ADGRE2: variants seen among roughly 807,000 people sequenced by gnomAD.
The protein encoded by ADGRE2 is CD97 antigen.
In ADGRE2, 83 loss-of-function variants were observed where a neutral mutation model predicts 100.8. The ratio of observed to expected loss-of-function variants is 0.82; its 90% confidence interval spans 0.69 to 0.99. The LOEUF is 0.99. ADGRE2 is among the 50% of genes least tolerant of loss of function. ADGRE2 has a pLI of 0.00. For missense variants in ADGRE2, 814 were observed against 1,035.7 expected, an observed-to-expected ratio of 0.79 and a Z score of 2.94; for synonymous variants, 355 against 413.0, an observed-to-expected ratio of 0.86 and a Z score of 1.70.
At position 14,752,515 on chromosome 19, in the gene ADGRE2, G is replaced by A. The variant is rs779779915; in HGVS notation, c.1602C>T (p.Pro534=). 2.5e-6 allele frequency: 4 copies of A among 1,614,068 alleles called. No homozygotes were observed. Among genetic ancestry groups the A allele is most frequent in the East Asian group, 2.2e-5 (1 of 44,876 alleles). The change falls in exon 15 of 21, where the codon CCC becomes CCT. Residue 534 remains proline (P), a synonymous_variant. Coordinates refer to ENST00000315576, the MANE Select transcript of ADGRE2 (RefSeq NM_013447.4). ...MAHYDVQEED[P]VLTVITYMGL... ...CCATGTAGGTGATGACAGTCAGCAC[G>A]GGATCCTCCTCCTGGGACCCGGAAA...
At chr19:14,769,153 G>A (rs1311279464) in intron 5 of ADGRE2, among the ~76,000 whole-genome samples, 1 of 152,188 alleles carries the variant, frequency 6.6e-6, no homozygotes, top group Admixed American at 6.5e-5. Flanking sequence ...ACTTTGGGAG[G>A]CTGAGACGGG....
chr19:14,763,824 TCTC>T (rs1462605482), intron 11 of ADGRE2, among the ~76,000 whole-genome samples: 1 of 132,682 alleles, frequency 7.5e-6, no homozygotes, highest in Non-Finnish European at 1.6e-5. Context: ...CTCTTCCTCC[TCTC>T]CTCCTCCTTC....
chr19:14,744,353 G>A (rs142401933), intron 18 of ADGRE2, among the ~76,000 whole-genome samples: 1,629 of 152,266 alleles, frequency 0.011, 12 homozygotes, highest in Non-Finnish European at 0.017. Flanking sequence ...CACAAAATTT[G>A]GAAAGGATAA....
At chr19:14,725,994 A>G in the ADGRE2 span, among the ~76,000 whole-genome samples, 11 of 152,262 alleles carry the variant, frequency 7.2e-5, 1 homozygote, top group South Asian at 2.3e-3. Context: ...TGTGGGAGCT[A>G]TGCCCCAATG....
At chr19:14,729,065 A>T (rs192723096), downstream of ADGRE2, among the ~76,000 whole-genome samples, 4 of 152,310 alleles carry the variant, frequency 2.6e-5, no homozygotes, top group African/African-American at 9.6e-5. Flanking sequence ...CGGGTGCAGA[A>T]TGCGTGACCG....
rs771715513 is a variant in ADGRE2, at chr19:14,752,461, G to A, written c.1656C>T (p.Leu552=). Residue 552 remains leucine, a synonymous_variant, in exon 15 of 21, where the codon CTC becomes CTT. Coordinates refer to ENST00000315576, the MANE Select transcript of ADGRE2 (RefSeq NM_013447.4). Reference sequence around the variant, plus strand: ...ACAGGAGAAAAGTGAGGGCCGCCAGGAGGAGGCACAGCAGAGAGACGCTCA... The same window carrying A: ...ACAGGAGAAAAGTGAGGGCCGCCAGAAGGAGGCACAGCAGAGAGACGCTCA... ...MGLSVSLLCL[L]LAALTFLLCK... 1 of 1,614,162 alleles carries A rather than the reference G, an allele frequency of 6.2e-7. No individual in the cohort carries two copies. Among genetic ancestry groups the A allele is most frequent in the Non-Finnish European group, 8.5e-7 (1 of 1,180,030 alleles).
At position 14,734,602 on chromosome 19, in the gene ADGRE2, T is replaced by G. The variant is rs563500485; in HGVS notation, c.*1634A>C. 2 of 152,294 alleles carry G rather than the reference T, an allele frequency of 1.3e-5. No individual in the cohort carries two copies. Among genetic ancestry groups the G allele is most frequent in the East Asian group, 3.9e-4 (2 of 5,184 alleles). 9.4% of individuals were successfully genotyped at this position (152,294 alleles called of 1,614,324 possible). Reference sequence around the variant, plus strand: ...ATGTGAGATTTCATATATTTTTGTATTTTTACTAGAGACAAGATTTCACCA... The same window carrying G: ...ATGTGAGATTTCATATATTTTTGTAGTTTTACTAGAGACAAGATTTCACCA... On this transcript the variant is annotated 3_prime_UTR_variant, in exon 21 of 21. Coordinates refer to ENST00000315576, the MANE Select transcript of ADGRE2 (RefSeq NM_013447.4).
Position 14,767,229 on chromosome 19 carries a change from CT to C in ADGRE2, c.356-121del. On this transcript the variant is annotated intron_variant, in intron 5 of 20. Coordinates refer to ENST00000315576, the MANE Select transcript of ADGRE2 (RefSeq NM_013447.4). ...AAGGCACCACTGTCTGCTCCCTTTT[CT>C]TTTCTTTCTTTCTTTTTTTTTTTTT... 4 of 1,481,202 alleles carry C rather than the reference CT, an allele frequency of 2.7e-6. No homozygotes were observed. In the South Asian group the frequency reaches 3.7e-5, roughly 14 times the overall value. 91.8% of individuals were successfully genotyped at this position (1,481,202 alleles called of 1,614,324 possible).
At chr19:14,758,091 G>A (rs560408403) in intron 11 of ADGRE2, among the ~76,000 whole-genome samples, 40 of 152,310 alleles carry the variant, frequency 2.6e-4, no homozygotes, top group Admixed American at 7.2e-4. Context: ...GATTACAGGC[G>A]TGAGCCACCA....
In ADGRE2 at chr19:14,766,294, C is replaced by T. The variant is rs757339258; in HGVS notation, c.575G>A (p.Arg192His). The part of the protein sequence containing the change: ...NNVGSYQCRC[R>H]PGWQPIPGSP... ...CCCCGGAATCGGTTGCCAGCCCGGG[C>T]GGCAGCGGCACTGATAGCTGCCCAC... The change falls in exon 7 of 21, where the codon CGC (arginine) becomes CAC (histidine). Residue 192 changes from arginine to histidine, a missense_variant. Physicochemically the swap from Arg to His is conservative, Grantham distance 29. This residue lies in a region of ADGRE2 where 69 missense variants were observed against 75.3 expected (regional missense o/e 0.92). Coordinates refer to ENST00000315576, the MANE Select transcript of ADGRE2 (RefSeq NM_013447.4). The T allele has an allele frequency of 2.4e-5, 38 of 1,613,930 alleles. No individual in the cohort carries two copies. The East Asian group carries it at 3.6e-4, about 15-fold the overall frequency.
At chr19:14,748,412 G>A (rs1312145956) in intron 16 of ADGRE2, among the ~76,000 whole-genome samples, 2 of 152,098 alleles carry the variant, frequency 1.3e-5, no homozygotes, top group Admixed American at 6.6e-5. Context: ...AGGTTCAAGC[G>A]ATTCTTGTGC....
At chr19:14,761,129 C>A (rs146238332) in intron 11 of ADGRE2, among the ~76,000 whole-genome samples, 3 of 152,170 alleles carry the variant, frequency 2.0e-5, no homozygotes, top group Admixed American at 2.0e-4. Context: ...CGGGGGCAGG[C>A]GTGGTGTCTC....
chr19:14,740,768 G>A (rs1309757649), intron 20 of ADGRE2, among the ~76,000 whole-genome samples: 1 of 152,142 alleles, frequency 6.6e-6, no homozygotes, highest in African/African-American at 2.4e-5. Flanking sequence ...AAGGGGTCTT[G>A]CTCTGTCACC....
chr19:14,728,882 G>A (rs975823727), downstream of ADGRE2, among the ~76,000 whole-genome samples: 1 of 152,184 alleles, frequency 6.6e-6, no homozygotes, highest in Non-Finnish European at 1.5e-5. Context: ...TATCCTTAAC[G>A]CAATCCCTGC....
chr19:14,743,836 A>G (rs2043002367), intron 18 of ADGRE2, 52 bp from the exon 19 acceptor site: 2 of 1,572,466 alleles, frequency 1.3e-6, no homozygotes, highest in African/African-American at 2.7e-5. Context: ...AAGAGAATCA[A>G]GGCTATTTCA....
intron 16 of ADGRE2, among the ~76,000 whole-genome samples, chr19:14,749,577 A>G (rs190473352): frequency 1.1e-3 from 142 of 134,452 alleles, no homozygotes; most frequent in African/African-American, 3.9e-3. Context: ...AATTATTTAT[A>G]GTTATATAAT....
chr19:14,748,454 ACC>A (rs1218568354), intron 16 of ADGRE2, among the ~76,000 whole-genome samples: 10 of 152,010 alleles, frequency 6.6e-5, no homozygotes, highest in African/African-American at 2.4e-4. Flanking sequence ...GATTACAGGC[ACC>A]CACGACCACG....
At chr19:14,754,491 T>C (rs575054969) in intron 14 of ADGRE2, among the ~76,000 whole-genome samples, 2 of 98,468 alleles carry the variant, frequency 2.0e-5, no homozygotes, top group South Asian at 4.1e-4. Flanking sequence ...ATCTATCTAT[T>C]CCATTAGTTC....
Position 14,773,980 on chromosome 19 carries a change from A to G in ADGRE2, c.157T>C (p.Ser53Pro). 1 of 1,614,050 alleles carries G rather than the reference A, an allele frequency of 6.2e-7. No homozygotes were observed. Among genetic ancestry groups the G allele is most frequent in the South Asian group, 1.1e-5 (1 of 91,074 alleles). Residue 53 changes from serine to proline, a missense_variant, in exon 4 of 21, where the codon TCT (serine) becomes CCT (proline). This residue lies in a region of ADGRE2 where 143 missense variants were observed against 160.3 expected (regional missense o/e 0.89). Transcript: ENST00000315576. ...GGGGTGGTGATGATCTCAGAAAAAG[A>G]GCTGAACCCTGGATTGCAGCGACAG... ...TACRCNPGFS[S>P]FSEIITTPME...
Sources: gnomAD v4.1 joint callset for allele counts (sites outside exome capture counted in the v4.1 genomes callset) on GRCh38, gnomAD v4.1.1 for gene constraint, gnomAD v4.1.1 regional missense constraint, MANE v1.5 for transcripts, NCBI Gene and HGNC (gene_info 2026-07-23, HGNC 2026-07-21) for gene names.